The following FCRL1 variants were observed in gnomAD, a reference collection of about 807,000 sequenced individuals.
FCRL1 encodes the protein Fc receptor-like protein 1.
Under a neutral mutation model 49.2 loss-of-function variants are expected in FCRL1, and 34 were observed. That is an observed-to-expected ratio of 0.69 (90% CI 0.53 to 0.92). FCRL1 has a LOEUF of 0.92. Among genes scored for constraint, FCRL1 ranks in the 40% least tolerant of loss-of-function variants. The pLI is 0.00. For synonymous variants in FCRL1, 218 were observed against 201.6 expected (o/e 1.08, Z -0.69); for missense variants, 524 against 524.1 (o/e 1.00, Z 0.00).
intron 10 of FCRL1, among the ~76,000 whole-genome samples, chr1:157,796,473 T>G (rs1461992034): frequency 6.6e-6 from 1 of 152,206 alleles, no homozygotes; most frequent in Non-Finnish European, 1.5e-5. Context: ...TGTCAGAATT[T>G]TATATTCATA....
intron 1 of FCRL1, among the ~76,000 whole-genome samples, chr1:157,811,124 T>G (rs942049657): frequency 7.9e-5 from 12 of 152,032 alleles, no homozygotes; most frequent in Admixed American, 2.0e-4. Flanking sequence ...GTGTAGTAAA[T>G]GGAAGCCATA....
rs760924749 is a variant in FCRL1, at chr1:157,797,873, A to T, written c.1181T>A (p.Val394Glu). 2.5e-6 allele frequency: 4 copies of T among 1,614,192 alleles called. No homozygotes were observed. Among genetic ancestry groups the T allele is most frequent in the Non-Finnish European group, 2.5e-6 (3 of 1,180,018 alleles). The change falls in exon 9 of 11, where the codon GTA becomes GAA. Residue 394 changes from valine (V) to glutamate (E), a missense_variant. Transcript: ENST00000368176. ...AYYNQPEQESVAAETLGTHME... is the reference protein window; with the variant it reads ...AYYNQPEQESEAAETLGTHME... ...TTTACTCCCCCATGTCTCACCTGCT[A>T]CTGATTCCTGCTCCGGCTGGTTATA...
Position 157,803,751 on chromosome 1 carries a change from C to G in FCRL1, c.319+94G>C, listed in dbSNP as rs1052018119. On this transcript the variant is annotated intron_variant, in intron 3 of 10. Coordinates refer to ENST00000368176, the MANE Select transcript of FCRL1 (RefSeq NM_052938.5). ...AGGAATATCTTTCAAACAGCTCCTA[C>G]TCTTGCAGAGATAGAACCCATAACA... 1.1e-5 allele frequency: 16 copies of G among 1,464,216 alleles called. No homozygotes were observed. The African/African-American group carries it at 1.7e-4, about 16-fold the overall frequency. The allele number at this position is 1,464,216 out of a possible 1,614,324, so 90.7% of individuals were successfully genotyped here. A position where few individuals can be genotyped will look rare whatever the true frequency, so the allele number is the denominator to read the frequency against.
chr1:157,818,128 ATATGG>A (rs1409870107), intron 1 of FCRL1, among the ~76,000 whole-genome samples: 1 of 152,148 alleles, frequency 6.6e-6, no homozygotes, highest in Non-Finnish European at 1.5e-5. Flanking sequence ...TGGAACTACC[ATATGG>A]TTCAGCCATC....
In FCRL1 at chr1:157,803,864, T is replaced by C; in HGVS notation, c.300A>G (p.Arg100=). 1.2e-6 allele frequency: 2 copies of C among 1,614,104 alleles called. No individual in the cohort carries two copies. Among genetic ancestry groups the C allele is most frequent in the East Asian group, 2.2e-5 (1 of 44,882 alleles). ...TMASKVLRSR[R]SQINVHRVPV... Reference sequence around the variant, plus strand: ...ACTCACTGTGCACATTTATCTGGGATCTCCTGCTCCTCAAGACTTTGGACG... The same window carrying C: ...ACTCACTGTGCACATTTATCTGGGACCTCCTGCTCCTCAAGACTTTGGACG... The change falls in exon 3 of 11, where the codon AGA becomes AGG. Residue 100 remains arginine, a synonymous_variant. Transcript: ENST00000368176.
intron 1 of FCRL1, among the ~76,000 whole-genome samples, chr1:157,817,763 T>C (rs1042462362): frequency 6.6e-6 from 1 of 152,038 alleles, no homozygotes; most frequent in Non-Finnish European, 1.5e-5. Flanking sequence ...AAAAAGTACT[T>C]GCAGTCAATA....
Position 157,804,246 on chromosome 1 carries a change from A to ACC in FCRL1, c.53-137_53-136dup, listed in dbSNP as rs58174605. 2.7e-3 allele frequency: 2,057 copies of ACC among 749,448 alleles called. 28 individuals carry two copies. In the African/African-American group the frequency reaches 0.031, roughly 11 times the overall value. 46.4% of individuals were successfully genotyped at this position (749,448 alleles called of 1,614,324 possible). A position where few individuals can be genotyped will look rare whatever the true frequency, so the allele number is the denominator to read the frequency against. On this transcript the variant is annotated intron_variant, in intron 2 of 10. Coordinates refer to ENST00000368176, the MANE Select transcript of FCRL1 (RefSeq NM_052938.5). The stretch of plus-strand genomic sequence containing the variant: ...CACACAGGCCACCCTACATGTCTCC[A>ACC]CCCCCCCCCCAGTGGCCCATGGGCT...
At position 157,795,426 on chromosome 1, in the gene FCRL1, A is replaced by G. The variant is rs1049015054; in HGVS notation, c.*673T>C. The G allele has an allele frequency of 2.0e-5, 3 of 152,242 alleles. No individual in the cohort carries two copies. The highest frequency in any genetic ancestry group is 2.0e-4 in the Admixed American group (3 of 15,284). 9.4% of individuals were successfully genotyped at this position (152,242 alleles called of 1,614,324 possible). A position where few individuals can be genotyped will look rare whatever the true frequency, so the allele number is the denominator to read the frequency against. On this transcript the variant is annotated 3_prime_UTR_variant, in exon 11 of 11. Transcript: ENST00000368176. ...CACGATTTCAAAAATTTTGTGAATA[A>G]AAGAAGACACACTGTATTTATAAAG...
intron 7 of FCRL1, among the ~76,000 whole-genome samples, chr1:157,799,062 G>A (rs992363084): frequency 6.6e-6 from 1 of 152,140 alleles, no homozygotes; most frequent in African/African-American, 2.4e-5. Context: ...GTGCAGTGGT[G>A]CCATCTCGGC....
chr1:157,814,845 T>G (rs1654817152), intron 1 of FCRL1, among the ~76,000 whole-genome samples: 1 of 151,852 alleles, frequency 6.6e-6, no homozygotes, highest in Admixed American at 6.6e-5. Flanking sequence ...TCAAAAACTA[T>G]AAAAAGACAC....
chr1:157,810,493 C>T (rs1188189962), intron 1 of FCRL1, among the ~76,000 whole-genome samples: 6 of 151,844 alleles, frequency 4.0e-5, no homozygotes, highest in Non-Finnish European at 1.5e-5. Flanking sequence ...GATGGGGTTT[C>T]ACCATGTTGG....
At chr1:157,800,003 T>A in intron 7 of FCRL1, 55 bp downstream of exon 7, 1 of 1,539,180 alleles carries the variant, frequency 6.5e-7, no homozygotes, top group South Asian at 1.2e-5. Flanking sequence ...TCTAAATCTA[T>A]TTTTAAAATA....
rs981772848 is a variant in FCRL1, at chr1:157,801,950, G to A, written c.851C>T (p.Ala284Val). Reference protein sequence around the residue: ...YSCEANNGLGAQRSEAVTLNF... With the variant: ...YSCEANNGLGVQRSEAVTLNF... ...GAGTGTCACCGCCTCACTGCGCTGGGCCCCCAGGCCATTGTTGGCCTCACA... is the reference window on the plus strand; with the variant it reads ...GAGTGTCACCGCCTCACTGCGCTGGACCCCCAGGCCATTGTTGGCCTCACA... The change falls in exon 5 of 11, where the codon GCC becomes GTC. Residue 284 changes from alanine to valine, a missense_variant. By Grantham distance (64) the Ala-to-Val change is moderately conservative. Transcript: ENST00000368176. 2.5e-6 allele frequency: 4 copies of A among 1,614,054 alleles called. No homozygotes were observed. The highest frequency in any genetic ancestry group is 3.4e-6 in the Non-Finnish European group (4 of 1,180,012).
chr1:157,800,183 G>A (rs977242355), intron 6 of FCRL1, 98 bp from the exon 7 acceptor site: 19 of 1,143,896 alleles, frequency 1.7e-5, no homozygotes, highest in Non-Finnish European at 2.4e-5. Flanking sequence ...TATGCCTCAT[G>A]CTCAGATGCC....
intron 9 of FCRL1, 90 bp downstream of exon 9, chr1:157,797,778 T>A (rs1453166460): frequency 1.7e-5 from 28 of 1,608,130 alleles, no homozygotes; most frequent in Non-Finnish European, 2.3e-5. Flanking sequence ...CTCTGAGGAA[T>A]GCTGTTGTCT....
In FCRL1 at chr1:157,795,259, G is replaced by A. The variant is rs1557885028; in HGVS notation, c.*840C>T. The stretch of plus-strand genomic sequence containing the variant: ...AGTCCCAGCTACTCAGCAGGCTGAG[G>A]TGAGAGGTTTGCTTGAGCCTGAGAG... On this transcript the variant is annotated 3_prime_UTR_variant, in exon 11 of 11. Transcript: ENST00000368176. The A allele has an allele frequency of 2.0e-5, 3 of 152,188 alleles. No individual in the cohort carries two copies. The highest frequency in any genetic ancestry group is 7.2e-5 in the African/African-American group (3 of 41,442). The allele number at this position is 152,188 out of a possible 1,614,324, so 9.4% of individuals were successfully genotyped here.
intron 1 of FCRL1, among the ~76,000 whole-genome samples, chr1:157,819,113 T>C (rs1655448567): frequency 6.6e-6 from 1 of 152,076 alleles, no homozygotes; most frequent in Non-Finnish European, 1.5e-5. Context: ...CAATGAAATA[T>C]GAAGCAAGAT....
intron 6 of FCRL1, 116 bp from the exon 7 acceptor site, chr1:157,800,201 G>T: frequency 1.1e-6 from 1 of 873,818 alleles, no homozygotes; most frequent in Non-Finnish European, 1.7e-6. Flanking sequence ...GCCCATTGTG[G>T]GTGCCACTGT....
chr1:157,797,156 T>C, intron 9 of FCRL1, 24 bp from the exon 10 acceptor site: 2 of 1,612,488 alleles, frequency 1.2e-6, no homozygotes, highest in Non-Finnish European at 1.7e-6. Flanking sequence ...ACAAGTGCTG[T>C]GACATTCCAC....
Sources: gnomAD v4.1 joint callset for allele counts (sites outside exome capture counted in the v4.1 genomes callset) on GRCh38, gnomAD v4.1.1 for gene constraint, MANE v1.5 for transcripts, NCBI Gene and HGNC (gene_info 2026-07-23, HGNC 2026-07-21) for gene names.